DENND2A: variants seen among roughly 807,000 people sequenced by gnomAD.
DENND2A encodes the protein DENN domain-containing protein 2A.
In DENND2A, 53 loss-of-function variants were observed where a neutral mutation model predicts 105.3. The ratio of observed to expected loss-of-function variants is 0.50; its 90% CI spans 0.40 to 0.63. The LOEUF (loss-of-function observed/expected upper bound fraction) is 0.63, where lower values mean the gene tolerates loss of function less well. DENND2A is among the 30% of genes least tolerant of loss of function. DENND2A has a pLI of 0.00. For missense variants in DENND2A, 1,138 were observed against 1,279.6 expected (o/e 0.89, Z 1.69); for synonymous variants, 522 against 508.4 (o/e 1.03, Z -0.36).
chr7:140,540,371 G>C (rs981373986), intron 14 of DENND2A, among the ~76,000 whole-genome samples: 1 of 152,272 alleles, frequency 6.6e-6, no homozygotes, highest in African/African-American at 2.4e-5. Context: ...GGCATGAGCC[G>C]TTTGAAAAGA....
intron 5 of DENND2A, among the ~76,000 whole-genome samples, chr7:140,575,821 T>C (rs889337075): frequency 6.6e-6 from 1 of 151,918 alleles, no homozygotes; most frequent in Non-Finnish European, 1.5e-5. Flanking sequence ...ATACAAAAAT[T>C]AGCCTGACGT....
intron 1 of DENND2A, among the ~76,000 whole-genome samples, chr7:140,631,556 T>C (rs1038471947): frequency 1.3e-5 from 2 of 152,166 alleles, no homozygotes; most frequent in African/African-American, 4.8e-5. Context: ...CTCTCTTCTC[T>C]GACATTTTTC....
chr7:140,601,630 A>T lies in DENND2A; in HGVS notation c.768T>A (p.Gly256=), dbSNP rs768001423. 1.2e-6 allele frequency: 2 copies of T among 1,610,890 alleles called. No individual in the cohort carries two copies. Among genetic ancestry groups the T allele is most frequent in the Non-Finnish European group, 1.7e-6 (2 of 1,178,850 alleles). The change falls in exon 3 of 20, where the codon GGT becomes GGA. Residue 256 remains glycine (G), a synonymous_variant. Coordinates refer to ENST00000496613, the MANE Select transcript of DENND2A (RefSeq NM_015689.5). ...SLENVYRGSE[G]SPTKPFINPL... is the part of the protein sequence containing the mutation. ...GGTTGATGAAGGGCTTTGTGGGGGAACCCTCCGAGCCCCTATACACGTTCT... is the reference window on the plus strand; with the variant it reads ...GGTTGATGAAGGGCTTTGTGGGGGATCCCTCCGAGCCCCTATACACGTTCT...
rs1227725181 is a variant in DENND2A at position 140,640,371 on chromosome 7, C to G, written c.-248+133G>C. The G allele has an allele frequency of 1.3e-5, 2 of 152,206 alleles. No individual in the cohort carries two copies. The highest frequency in any genetic ancestry group is 4.8e-5 in the African/African-American group (2 of 41,446). The allele number at this position is 152,206 out of a possible 1,614,324, so 9.4% of individuals were successfully genotyped here. ...GGGACCAGGCGGGAACTCAGACTCC[C>G]GTCTGCAGAGCCGCTTCCCCCGTCA... On this transcript the variant is annotated intron_variant, in intron 1 of 19. Coordinates refer to ENST00000496613, the MANE Select transcript of DENND2A (RefSeq NM_015689.5). This position sits in a 1 kb window ranked among gnomAD's most constrained non-coding sequence, Gnocchi z 4.9.
intron 13 of DENND2A, 106 bp from the exon 14 acceptor site, chr7:140,544,872 C>T (rs767284493): frequency 1.3e-5 from 19 of 1,491,694 alleles, no homozygotes; most frequent in Non-Finnish European, 1.7e-5. Flanking sequence ...AGGGGTGACC[C>T]ACTGGTGGGG....
chr7:140,530,325 T>C (rs1312264060), intron 14 of DENND2A, among the ~76,000 whole-genome samples: 2 of 152,204 alleles, frequency 1.3e-5, no homozygotes, highest in African/African-American at 4.8e-5. Context: ...CACATAGCCT[T>C]CTTTTCCATT....
Position 140,601,565 on chromosome 7 carries a change from T to C in DENND2A, c.833A>G (p.Glu278Gly). The C allele has an allele frequency of 6.2e-7, 1 of 1,614,186 alleles. No homozygotes were observed. The highest frequency in any genetic ancestry group is 1.6e-4 in the Middle Eastern group (1 of 6,062). The change falls in exon 3 of 20, where the codon GAA (glutamate) becomes GGA (glycine). Residue 278 changes from glutamate to glycine, a missense_variant. Physicochemically the swap from Glu to Gly is moderately conservative, Grantham distance 98. This residue lies in a region of DENND2A where 511 missense variants were observed against 499.9 expected (regional missense o/e 1.02). Coordinates refer to ENST00000496613, the MANE Select transcript of DENND2A (RefSeq NM_015689.5). Reference sequence around the variant, plus strand: ...GCCAGGCTTCCCATCTTTGTCCCCTTCTCCGGCATGTTTGAACGTTCTCCG... The same window carrying C: ...GCCAGGCTTCCCATCTTTGTCCCCTCCTCCGGCATGTTTGAACGTTCTCCG... ...KPRRTFKHAG[E>G]GDKDGKPGIG... is the part of the protein sequence containing the mutation.
intron 3 of DENND2A, among the ~76,000 whole-genome samples, chr7:140,592,045 T>G (rs1260083984): frequency 2.7e-5 from 3 of 112,690 alleles, no homozygotes; most frequent in Non-Finnish European, 5.3e-5. Context: ...TTCTTCTTCT[T>G]TTTTTTTTTT....
intron 13 of DENND2A, among the ~76,000 whole-genome samples, chr7:140,545,434 T>G (rs138151721): frequency 6.6e-6 from 1 of 152,278 alleles, no homozygotes; most frequent in Non-Finnish European, 1.5e-5. Context: ...TATTGCAGCC[T>G]CCGCCTCCCA....
At chr7:140,576,027 G>GATATAT (rs202205552) in intron 5 of DENND2A, among the ~76,000 whole-genome samples, 198 of 147,684 alleles carry the variant, frequency 1.3e-3, no homozygotes, top group African/African-American at 4.6e-3. Flanking sequence ...GGTTCTTTCA[G>GATATAT]ATATATATAT....
chr7:140,529,607 A>G (rs543977386), intron 14 of DENND2A, among the ~76,000 whole-genome samples: 1 of 152,318 alleles, frequency 6.6e-6, no homozygotes, highest in East Asian at 1.9e-4. Flanking sequence ...ATGGAATACT[A>G]TGCAGCCATA....
chr7:140,554,561 G>C (rs539558995), intron 12 of DENND2A, among the ~76,000 whole-genome samples: 1 of 151,652 alleles, frequency 6.6e-6, no homozygotes, highest in Non-Finnish European at 1.5e-5. Context: ...GCTTGAACCC[G>C]GGAGGTGTAA....
chr7:140,626,006 C>T (rs1199685048), intron 1 of DENND2A, among the ~76,000 whole-genome samples: 1 of 152,160 alleles, frequency 6.6e-6, no homozygotes, highest in Non-Finnish European at 1.5e-5. Flanking sequence ...TCACAGTAAG[C>T]TTACTATTGC....
chr7:140,614,773 A>C (rs1337932629), intron 1 of DENND2A, among the ~76,000 whole-genome samples: 1 of 152,242 alleles, frequency 6.6e-6, no homozygotes, highest in Non-Finnish European at 1.5e-5. Context: ...AAAAGCACAC[A>C]ATCAATGTAA....
chr7:140,627,725 AT>A (rs748575946), intron 1 of DENND2A, among the ~76,000 whole-genome samples: 7 of 150,494 alleles, frequency 4.7e-5, no homozygotes, highest in Non-Finnish European at 8.9e-5. Flanking sequence ...CAGGGTTTTG[AT>A]TTGTTGTGCG....
chr7:140,534,737 T>C (rs1585569748), intron 14 of DENND2A, among the ~76,000 whole-genome samples: 1 of 152,120 alleles, frequency 6.6e-6, no homozygotes, highest in Non-Finnish European at 1.5e-5. Flanking sequence ...GAAGAGGCAG[T>C]GTTTTTGAAG....
chr7:140,574,623 C>T lies in DENND2A; in HGVS notation c.1246-615G>A, dbSNP rs907543433. 8.3e-4 allele frequency among the ~76,000 whole-genome samples: 127 copies of T among 152,234 alleles called. 4 individuals carry two copies. Among genetic ancestry groups the T allele is most frequent in the Non-Finnish European group, 1.6e-4 (11 of 68,040 alleles). ...GACACATGGACTAGGGGTTACAAGG[C>T]CTAAGCCTCACTTTGGCCTTGCTGC... On this transcript the variant is annotated intron_variant, in intron 5 of 19. Transcript: ENST00000496613.
intron 5 of DENND2A, among the ~76,000 whole-genome samples, chr7:140,576,886 T>C (rs749744607): frequency 1.3e-5 from 2 of 152,228 alleles, no homozygotes; most frequent in Non-Finnish European, 2.9e-5. Flanking sequence ...TGGAATCTCC[T>C]GTCAAACTGT....
rs1361833470 is a variant in DENND2A, at chr7:140,522,065, C to T, written c.2701G>A (p.Glu901Lys). ...ESSPLNEVVS[E>K]AFVRFFVEIV... The stretch of plus-strand genomic sequence containing the variant: ...TCCACGAAGAAGCGGACAAAGGCTT[C>T]AGACACCACCTCGTTCAAGGGGCTG... Residue 901 changes from glutamate to lysine, a missense_variant, in exon 18 of 20, where the codon GAA becomes AAA. By Grantham distance (56) the Glu-to-Lys change is moderately conservative. Coordinates refer to ENST00000496613, the MANE Select transcript of DENND2A (RefSeq NM_015689.5). 8 of 1,614,066 alleles carry T rather than the reference C, an allele frequency of 5.0e-6. No individual in the cohort carries two copies. Among genetic ancestry groups the T allele is most frequent in the Non-Finnish European group, 5.9e-6 (7 of 1,180,038 alleles).
Sources: gnomAD v4.1 joint callset for allele counts (sites outside exome capture counted in the v4.1 genomes callset) on GRCh38, gnomAD v4.1.1 for gene constraint, gnomAD v4.1.1 regional missense constraint, Gnocchi (gnomAD v3.1) non-coding constraint, MANE v1.5 for transcripts, NCBI Gene and HGNC (gene_info 2026-07-23, HGNC 2026-07-21) for gene names.